The following MEI4 variants were observed in gnomAD, a reference collection of about 807,000 sequenced individuals.
MEI4 encodes meiotic double-stranded break formation protein 4.
MEI4 carries 27 observed loss-of-function variants against 31.4 expected under a neutral mutation model. The ratio of observed to expected loss-of-function variants is 0.86; its 90% CI spans 0.63 to 1.19. MEI4 has a LOEUF of 1.19. MEI4 is among the 50% of genes most tolerant of loss of function. The probability of loss-of-function intolerance (pLI) is 0.00; values close to 1 mark genes in which losing one functional copy is unlikely to be tolerated. For missense variants in MEI4, 329 were observed against 398.9 expected, an observed-to-expected ratio of 0.82 and a Z score of 1.49; for synonymous variants, 122 against 145.4, an observed-to-expected ratio of 0.84 and a Z score of 1.16.
intron 4 of MEI4, among the ~76,000 whole-genome samples, chr6:77,900,233 T>C (rs1355173365): frequency 6.6e-6 from 1 of 152,062 alleles, no homozygotes; most frequent in Non-Finnish European, 1.5e-5. Context: ...ATATCCAAAT[T>C]AGTGCTTCCA....
At chr6:77,789,143 G>A (rs528124873) in intron 3 of MEI4, among the ~76,000 whole-genome samples, 37 of 152,120 alleles carry the variant, frequency 2.4e-4, no homozygotes, top group Middle Eastern at 3.4e-3. Flanking sequence ...TGACAAAAAT[G>A]AGCAATGGGG....
intron 2 of MEI4, among the ~76,000 whole-genome samples, chr6:77,753,851 C>T (rs955884089): frequency 6.6e-6 from 1 of 152,122 alleles, no homozygotes; most frequent in African/African-American, 2.4e-5. Flanking sequence ...GGAACCAACC[C>T]AAATACCCAT....
At chr6:77,833,788 C>T (rs1770139852) in intron 4 of MEI4, among the ~76,000 whole-genome samples, 1 of 152,144 alleles carries the variant, frequency 6.6e-6, no homozygotes, top group South Asian at 2.1e-4. Context: ...CCTACCTTTC[C>T]CCGCACCCGC....
intron 4 of MEI4, among the ~76,000 whole-genome samples, chr6:77,916,991 A>G (rs1162409006): frequency 3.3e-5 from 5 of 149,926 alleles, no homozygotes; most frequent in Non-Finnish European, 5.9e-5. Context: ...TCATTGTTCA[A>G]TTCCCACCTA....
At chr6:77,760,251 T>C (rs1561978283) in intron 2 of MEI4, among the ~76,000 whole-genome samples, 2 of 151,932 alleles carry the variant, frequency 1.3e-5, no homozygotes, top group Non-Finnish European at 2.9e-5. Flanking sequence ...TATACACACA[T>C]ATATGATATA....
chr6:77,795,423 A>G (rs980338828), intron 3 of MEI4, among the ~76,000 whole-genome samples: 4 of 152,018 alleles, frequency 2.6e-5, no homozygotes, highest in African/African-American at 9.7e-5. Flanking sequence ...CTTTTGTCCT[A>G]CCTACCCTTG....
intron 4 of MEI4, among the ~76,000 whole-genome samples, chr6:77,864,791 C>A (rs1233448637): frequency 6.6e-6 from 1 of 152,120 alleles, no homozygotes; most frequent in Non-Finnish European, 1.5e-5. Flanking sequence ...TTTTTCAGCA[C>A]CACACCACAC....
At chr6:77,752,749 A>AT (rs1767808678) in intron 2 of MEI4, among the ~76,000 whole-genome samples, 1 of 152,228 alleles carries the variant, frequency 6.6e-6, no homozygotes, top group Non-Finnish European at 1.5e-5. Context: ...AGAATTGGAA[A>AT]AAAACTAATT....
chr6:77,809,838 T>TG (rs1459157715), intron 3 of MEI4, among the ~76,000 whole-genome samples: 1 of 152,116 alleles, frequency 6.6e-6, no homozygotes, highest in Non-Finnish European at 1.5e-5. Context: ...ATGCTTATAT[T>TG]GAAAAAAAAA....
chr6:77,869,584 A>T (rs539132434), intron 4 of MEI4, among the ~76,000 whole-genome samples: 1 of 152,260 alleles, frequency 6.6e-6, no homozygotes, highest in African/African-American at 2.4e-5. Context: ...CCCTGCCAGC[A>T]TCTTGGTCTT....
intron 4 of MEI4, among the ~76,000 whole-genome samples, chr6:77,871,246 G>A (rs1214887978): frequency 6.6e-6 from 1 of 152,022 alleles, no homozygotes; most frequent in Non-Finnish European, 1.5e-5. Flanking sequence ...GCAAAACCAG[G>A]GGTAGGCTTG....
intron 3 of MEI4, among the ~76,000 whole-genome samples, chr6:77,790,534 G>T (rs1443216633): frequency 1.3e-5 from 2 of 151,160 alleles, no homozygotes; most frequent in African/African-American, 4.9e-5. Context: ...TAGCAAACCT[G>T]CACATGTACT....
intron 3 of MEI4, among the ~76,000 whole-genome samples, chr6:77,783,709 G>A (rs564695926): frequency 6.6e-6 from 1 of 151,966 alleles, no homozygotes; most frequent in Non-Finnish European, 1.5e-5. Flanking sequence ...TTATGAGAAA[G>A]AACATCAAGT....
intron 1 of MEI4, among the ~76,000 whole-genome samples, chr6:77,665,426 C>G (rs1045824149): frequency 6.6e-6 from 1 of 151,666 alleles, no homozygotes; most frequent in Non-Finnish European, 1.5e-5. Flanking sequence ...CCCAGGAAAG[C>G]GGGACTTGCC....
chr6:77,778,932 A>T (rs901844000), intron 3 of MEI4, among the ~76,000 whole-genome samples: 10 of 152,142 alleles, frequency 6.6e-5, no homozygotes, highest in Non-Finnish European at 1.5e-4. Context: ...CCTTTCAGAC[A>T]TATTGAGTTT....
intron 3 of MEI4, among the ~76,000 whole-genome samples, chr6:77,819,375 T>G (rs1405575329): frequency 6.6e-6 from 1 of 152,174 alleles, no homozygotes; most frequent in Admixed American, 6.6e-5. Context: ...TAGTTTAACA[T>G]TTTTATAGAG....
Position 77,923,363 on chromosome 6 carries a change from T to C in MEI4, c.*17T>C. On this transcript the variant is annotated 3_prime_UTR_variant, in exon 5 of 5. Coordinates refer to ENST00000684080, the MANE Select transcript of MEI4 (RefSeq NM_001322247.2). The stretch of plus-strand genomic sequence containing the variant: ...AGAAAATAACTCCATTCCTTAGCAA[T>C]TTACCACGTTTGAAGCATAATAAAG... The C allele has an allele frequency of 1.6e-6, 2 of 1,228,526 alleles. No homozygotes were observed. Among genetic ancestry groups the C allele is most frequent in the Non-Finnish European group, 2.0e-6 (2 of 985,310 alleles). The allele number at this position is 1,228,526 out of a possible 1,614,324, so 76.1% of individuals were successfully genotyped here. A position where few individuals can be genotyped will look rare whatever the true frequency, so the allele number is the denominator to read the frequency against.
intron 4 of MEI4, among the ~76,000 whole-genome samples, chr6:77,917,722 G>C (rs1002881229): frequency 5.4e-5 from 8 of 147,452 alleles, no homozygotes; most frequent in African/African-American, 2.0e-4. Flanking sequence ...TAGGTTGCCT[G>C]TTCACTCTGA....
intron 2 of MEI4, among the ~76,000 whole-genome samples, chr6:77,734,713 C>T (rs1416216376): frequency 1.3e-5 from 2 of 151,686 alleles, no homozygotes; most frequent in Non-Finnish European, 2.9e-5. Context: ...TTAGTTGATG[C>T]AGTTTCTTCC....
Sources: allele counts gnomAD v4.1 joint callset (sites outside exome capture counted in the v4.1 genomes callset), GRCh38; gene constraint gnomAD v4.1.1; transcripts MANE v1.5; gene names NCBI Gene and HGNC (gene_info 2026-07-23, HGNC 2026-07-21).